Variants in SIPA1L1 observed in about 807,000 individuals in gnomAD.
The protein encoded by SIPA1L1 is signal induced proliferation associated 1 like 1, also known as signal-induced proliferation-associated 1-like protein 1.
SIPA1L1 carries 26 observed loss-of-function variants against 162.7 expected under a neutral mutation model. The ratio of observed to expected loss-of-function variants is 0.16; its 90% CI spans 0.12 to 0.22. The LOEUF is 0.22. Ranked by LOEUF, SIPA1L1 falls within the 10% of genes least tolerant of loss-of-function variation. SIPA1L1 has a pLI of 1.00. For missense variants in SIPA1L1, 1,874 were observed against 2,241.0 expected (o/e 0.84, Z 3.31); for synonymous variants, 829 against 837.4 (o/e 0.99, Z 0.17).
intron 2 of SIPA1L1, among the ~76,000 whole-genome samples, chr14:71,358,364 A>G (rs1177783134): frequency 1.3e-5 from 2 of 152,206 alleles, no homozygotes; most frequent in African/African-American, 2.4e-5. Context: ...GCTCTCTTCT[A>G]TTTTAGTCCT....
chr14:71,615,322 G>A (rs1254287024), intron 5 of SIPA1L1, among the ~76,000 whole-genome samples: 5 of 152,182 alleles, frequency 3.3e-5, no homozygotes, highest in African/African-American at 1.2e-4. Flanking sequence ...CAGGTTATGA[G>A]AACCTTTGGG....
At chr14:71,638,203 T>C (rs1164129696) in intron 7 of SIPA1L1, among the ~76,000 whole-genome samples, 1 of 152,096 alleles carries the variant, frequency 6.6e-6, no homozygotes, top group East Asian at 1.9e-4. Context: ...AATTTAACTT[T>C]ATGAAGCCCT....
chr14:71,614,854 C>G (rs571690483), intron 5 of SIPA1L1, among the ~76,000 whole-genome samples: 1 of 151,920 alleles, frequency 6.6e-6, no homozygotes, highest in Non-Finnish European at 1.5e-5. Context: ...AACAAAGTAA[C>G]CTTATTAACA....
chr14:71,702,989 C>T (rs1289445548), intron 15 of SIPA1L1, among the ~76,000 whole-genome samples: 1 of 152,230 alleles, frequency 6.6e-6, no homozygotes, highest in Admixed American at 6.5e-5. Flanking sequence ...AAGCTGTCAG[C>T]TAAGGAAATG....
intron 2 of SIPA1L1, among the ~76,000 whole-genome samples, chr14:71,450,435 G>C (rs2045729090): frequency 6.6e-6 from 1 of 152,110 alleles, no homozygotes; most frequent in Admixed American, 6.6e-5. Flanking sequence ...GAGTCATTCT[G>C]GGTAGCCAAA....
intron 13 of SIPA1L1, among the ~76,000 whole-genome samples, chr14:71,691,906 G>T (rs887308894): frequency 6.6e-6 from 1 of 152,038 alleles, no homozygotes; most frequent in East Asian, 1.9e-4. Context: ...ATGAAACTTC[G>T]CTTTAATGTT....
intron 4 of SIPA1L1, among the ~76,000 whole-genome samples, chr14:71,533,590 T>C (rs543637734): frequency 4.3e-4 from 65 of 152,358 alleles, no homozygotes; most frequent in South Asian, 1.0e-3. Flanking sequence ...CAGATCACTA[T>C]GTAATTTTGT....
At position 71,556,674 on chromosome 14, in the gene SIPA1L1, C is replaced by T. The variant is rs186206156; in HGVS notation, c.-303+27304C>T. Among the ~76,000 whole-genome samples the T allele has an allele frequency of 1.4e-3, 210 of 151,032 alleles. 3 individuals carry two copies. The highest frequency in any genetic ancestry group is 0.013 in the Admixed American group (204 of 15,208). Reference sequence around the variant, plus strand: ...TATCAGGGAAGGAGCACGGAGCTTCCGTGCCCTCCTTTGGCGTGCCACCTT... The same window carrying T: ...TATCAGGGAAGGAGCACGGAGCTTCTGTGCCCTCCTTTGGCGTGCCACCTT... On this transcript the variant is annotated intron_variant, in intron 4 of 23. Coordinates refer to ENST00000381232, the MANE Select transcript of SIPA1L1 (RefSeq NM_001386936.1).
intron 2 of SIPA1L1, among the ~76,000 whole-genome samples, chr14:71,470,292 A>G (rs915482750): frequency 3.3e-5 from 5 of 152,170 alleles, no homozygotes; most frequent in Non-Finnish European, 5.9e-5. Flanking sequence ...TTTGCAAAAG[A>G]AAGAAGCAAA....
intron 4 of SIPA1L1, among the ~76,000 whole-genome samples, chr14:71,569,166 A>AG: frequency 6.6e-6 from 1 of 152,160 alleles, no homozygotes; most frequent in Non-Finnish European, 1.5e-5. Context: ...AAGACAGGTA[A>AG]GGGGGAAAGA....
intron 8 of SIPA1L1, among the ~76,000 whole-genome samples, chr14:71,653,641 C>T (rs1017832808): frequency 2.0e-5 from 3 of 152,142 alleles, no homozygotes; most frequent in African/African-American, 4.8e-5. Flanking sequence ...CCAAGGCTGC[C>T]TGTTCTCCAA....
chr14:71,679,041 AC>A (rs979207415), intron 12 of SIPA1L1, among the ~76,000 whole-genome samples: 22 of 152,238 alleles, frequency 1.4e-4, no homozygotes, highest in Admixed American at 1.3e-3. Flanking sequence ...AACTTCCCCA[AC>A]CTAGCAAGGC....
At chr14:71,511,142 C>A (rs1368205603) in intron 2 of SIPA1L1, among the ~76,000 whole-genome samples, 1 of 152,164 alleles carries the variant, frequency 6.6e-6, no homozygotes, top group Non-Finnish European at 1.5e-5. Flanking sequence ...AATTTAAAAA[C>A]CTTTAAAACT....
intron 2 of SIPA1L1, among the ~76,000 whole-genome samples, chr14:71,331,621 G>A (rs1456974521): frequency 1.3e-5 from 2 of 152,146 alleles, no homozygotes; most frequent in African/African-American, 4.8e-5. Flanking sequence ...ACCTTAGTGG[G>A]TATTCATACC....
At chr14:71,367,278 TA>T (rs2038388460) in intron 2 of SIPA1L1, among the ~76,000 whole-genome samples, 2 of 151,158 alleles carry the variant, frequency 1.3e-5, no homozygotes, top group Non-Finnish European at 2.9e-5. Context: ...TTCACTTTTA[TA>T]AAAAAGCTAA....
chr14:71,670,592 A>G (rs1389867920), intron 10 of SIPA1L1, among the ~76,000 whole-genome samples: 4 of 152,218 alleles, frequency 2.6e-5, no homozygotes, highest in Non-Finnish European at 4.4e-5. Context: ...AACAAATACT[A>G]GTTAAGTTTT....
At chr14:71,365,168 A>G (rs1195230845) in intron 2 of SIPA1L1, among the ~76,000 whole-genome samples, 1 of 151,884 alleles carries the variant, frequency 6.6e-6, no homozygotes, top group African/African-American at 2.4e-5. Context: ...CTGGGACCAC[A>G]TCACATGCCT....
intron 4 of SIPA1L1, among the ~76,000 whole-genome samples, chr14:71,542,138 G>A (rs908326389): frequency 6.6e-6 from 1 of 152,152 alleles, no homozygotes; most frequent in Non-Finnish European, 1.5e-5. Context: ...GGAGTACAGT[G>A]CACAGTCGTA....
At chr14:71,591,798 T>C (rs2035436021) in intron 5 of SIPA1L1, among the ~76,000 whole-genome samples, 1 of 152,222 alleles carries the variant, frequency 6.6e-6, no homozygotes. Context: ...AACAACATAA[T>C]CTGAGTACAA....
Sources: gnomAD v4.1 joint callset for allele counts (sites outside exome capture counted in the v4.1 genomes callset) on GRCh38, gnomAD v4.1.1 for gene constraint, MANE v1.5 for transcripts, NCBI Gene and HGNC (gene_info 2026-07-23, HGNC 2026-07-21) for gene names.